FOCAD: variants seen among roughly 807,000 people sequenced by gnomAD.
FOCAD encodes focadhesin.
FOCAD carries 198 observed loss-of-function variants against 225.6 expected under a neutral mutation model. The observed-to-expected ratio is 0.88, with a 90% confidence interval of 0.78 to 0.99. FOCAD has a LOEUF of 0.99. FOCAD is among the 50% of genes least tolerant of loss of function. The pLI is 0.00. For missense variants in FOCAD, 2,713 were observed against 2,123.6 expected, an observed-to-expected ratio of 1.28 and a Z score of -5.46; for synonymous variants, 897 against 755.0, an observed-to-expected ratio of 1.19 and a Z score of -3.08.
chr9:20,966,153 C>A (rs1013663804), intron 35 of FOCAD, among the ~76,000 whole-genome samples: 11 of 152,070 alleles, frequency 7.2e-5, no homozygotes, highest in African/African-American at 2.7e-4. Context: ...TTCTTGCAAG[C>A]AATATAGGAG....
At chr9:20,776,473 A>G (rs1818767528) in intron 8 of FOCAD, among the ~76,000 whole-genome samples, 1 of 152,206 alleles carries the variant, frequency 6.6e-6, no homozygotes, top group South Asian at 2.1e-4. Flanking sequence ...CAATCAATCA[A>G]AAAACTTGTA....
chr9:20,673,953 A>C (rs2131285010), intron 2 of FOCAD, among the ~76,000 whole-genome samples: 1 of 152,336 alleles, frequency 6.6e-6, no homozygotes, highest in East Asian at 1.9e-4. Flanking sequence ...TTTACTCTTA[A>C]TTAGTTGAAA....
intron 11 of FOCAD, among the ~76,000 whole-genome samples, chr9:20,794,528 A>G (rs1820857724): frequency 6.6e-6 from 1 of 152,188 alleles, no homozygotes; most frequent in African/African-American, 2.4e-5. Flanking sequence ...TGGAAACTTA[A>G]AACACACCAG....
At chr9:20,768,160 G>A (rs1263995034) in intron 7 of FOCAD, among the ~76,000 whole-genome samples, 3 of 147,910 alleles carry the variant, frequency 2.0e-5, no homozygotes, top group Non-Finnish European at 3.0e-5. Flanking sequence ...ATTTCTGAGG[G>A]CTCTGTTCTG....
chr9:20,781,699 A>T, intron 9 of FOCAD, 28 bp from the exon 10 acceptor site: 2 of 1,603,586 alleles, frequency 1.2e-6, no homozygotes, highest in Non-Finnish European at 1.7e-6. Context: ...TAATTTTTAA[A>T]AATGTGCATT....
intron 18 of FOCAD, among the ~76,000 whole-genome samples, chr9:20,868,993 A>T (rs1025374802): frequency 6.6e-6 from 1 of 152,194 alleles, no homozygotes; most frequent in East Asian, 1.9e-4. Flanking sequence ...AAAGTGTTCA[A>T]TGTGTTCATA....
rs1827061292 is a variant in FOCAD, at chr9:20,735,338, C to A, written c.288-4898C>A. 3.3e-5 allele frequency among the ~76,000 whole-genome samples: 5 copies of A among 151,582 alleles called. No homozygotes were observed. The South Asian group carries it at 8.3e-4, about 25-fold the overall frequency. Reference sequence around the variant, plus strand: ...TTTTGTTATTTTTTACATTTTTTCTCCATAAATTCTTTCAAAGCAATTGCT... The same window carrying A: ...TTTTGTTATTTTTTACATTTTTTCTACATAAATTCTTTCAAAGCAATTGCT... On this transcript the variant is annotated intron_variant, in intron 4 of 43. Transcript: ENST00000338382.
intron 22 of FOCAD, among the ~76,000 whole-genome samples, chr9:20,910,070 G>C (rs192871354): frequency 2.6e-5 from 4 of 152,046 alleles, no homozygotes; most frequent in African/African-American, 9.7e-5. Context: ...CTGCTTAGAC[G>C]TCTGCTTCAA....
intron 15 of FOCAD, among the ~76,000 whole-genome samples, chr9:20,851,394 A>C (rs1827642371): frequency 6.6e-6 from 1 of 151,804 alleles, no homozygotes; most frequent in African/African-American, 2.4e-5. Context: ...TTTAAGTGGA[A>C]GAGCAGTGCG....
chr9:20,824,354 G>A (rs1363082889), intron 15 of FOCAD, among the ~76,000 whole-genome samples: 1 of 151,892 alleles, frequency 6.6e-6, no homozygotes, highest in African/African-American at 2.4e-5. Context: ...CTGTTTTGTT[G>A]TATTTCCTTT....
At chr9:20,771,737 A>G (rs1181683766) in intron 8 of FOCAD, among the ~76,000 whole-genome samples, 5 of 152,238 alleles carry the variant, frequency 3.3e-5, no homozygotes, top group Middle Eastern at 3.2e-3. Flanking sequence ...CCTGGGCGAC[A>G]CAGCAGGACT....
chr9:20,983,877 CAG>C (rs1370229756), intron 39 of FOCAD, among the ~76,000 whole-genome samples: 4 of 152,098 alleles, frequency 2.6e-5, no homozygotes, highest in African/African-American at 9.7e-5. Flanking sequence ...GATAAGGACT[CAG>C]TATTTATTAT....
At chr9:20,660,648 T>A (rs567623367) in intron 2 of FOCAD, among the ~76,000 whole-genome samples, 23 of 152,190 alleles carry the variant, frequency 1.5e-4, no homozygotes, top group South Asian at 4.2e-4. Context: ...AAGACCAAGA[T>A]GAGAAGTGGC....
intron 18 of FOCAD, chr9:20,874,282 T>G (rs1564098111): frequency 6.2e-6 from 1 of 162,106 alleles, no homozygotes; most frequent in South Asian, 1.8e-4. Context: ...CACAAATTTT[T>G]TAAAAAGTGT....
chr9:20,881,868 T>C lies in FOCAD; in HGVS notation c.2318-3T>C. 6.2e-7 allele frequency: 1 copy of C among 1,612,160 alleles called. No homozygotes were observed. On this transcript the variant is annotated splice_region_variant and splice_polypyrimidine_tract_variant and intron_variant, in intron 19 of 43. Coordinates refer to ENST00000338382, the MANE Select transcript of FOCAD (RefSeq NM_001375567.1). Reference sequence around the variant, plus strand: ...CTTTTGGTCTCCTTTTATCCTCTTTTAGCTTTGGAGGAATTTTTTACATCA... The same window carrying C: ...CTTTTGGTCTCCTTTTATCCTCTTTCAGCTTTGGAGGAATTTTTTACATCA...
chr9:20,727,015 A>T (rs1826250906), intron 4 of FOCAD, among the ~76,000 whole-genome samples: 1 of 152,044 alleles, frequency 6.6e-6, no homozygotes, highest in Admixed American at 6.6e-5. Flanking sequence ...TCTGAATTTG[A>T]TGTGGTTTCA....
intron 35 of FOCAD, among the ~76,000 whole-genome samples, chr9:20,966,930 A>G (rs181086725): frequency 1.3e-5 from 2 of 152,166 alleles, no homozygotes; most frequent in East Asian, 3.9e-4. Flanking sequence ...TGATTACTAT[A>G]GCTGTATAGT....
chr9:20,811,314 G>T (rs910490543), intron 11 of FOCAD, among the ~76,000 whole-genome samples: 6 of 152,134 alleles, frequency 3.9e-5, no homozygotes, highest in East Asian at 3.9e-4. Context: ...TCAGTTTTCC[G>T]TTTGAAATGT....
intron 35 of FOCAD, among the ~76,000 whole-genome samples, chr9:20,958,456 G>A (rs1414116450): frequency 6.6e-6 from 1 of 152,008 alleles, no homozygotes; most frequent in East Asian, 1.9e-4. Flanking sequence ...ACATAGAGAT[G>A]TTCTGATGAT....
Sources: allele counts gnomAD v4.1 joint callset (sites outside exome capture counted in the v4.1 genomes callset), GRCh38; gene constraint gnomAD v4.1.1; transcripts MANE v1.5; gene names NCBI Gene and HGNC (gene_info 2026-07-23, HGNC 2026-07-21).